The following NLRP8 variants were observed in gnomAD, a reference collection of about 807,000 sequenced individuals.
NLRP8 encodes the protein NLR family pyrin domain containing 8.
A neutral mutation model predicts 88.7 loss-of-function variants in NLRP8; 86 were observed. That is an observed-to-expected ratio of 0.97 (90% CI 0.81 to 1.16). NLRP8 has a LOEUF of 1.16. Among genes scored for constraint, NLRP8 ranks in the 50% most tolerant of loss-of-function variants. The probability of loss-of-function intolerance (pLI) is 0.00; values close to 1 mark genes in which losing one functional copy is unlikely to be tolerated. For synonymous variants in NLRP8, 504 were observed against 494.6 expected (o/e 1.02, Z -0.25); for missense variants, 1,342 against 1,286.5 (o/e 1.04, Z -0.66).
chr19:55,957,673 TTATATATATATATATATATATATATATA>T (rs10523999), intron 3 of NLRP8, among the ~76,000 whole-genome samples: 27 of 31,206 alleles, frequency 8.7e-4, no homozygotes, highest in South Asian at 1.7e-3. Flanking sequence ...AAAATAATAA[TTATATATATATATATATATATATATATA>T]TATATATATA....
intron 1 of NLRP8, among the ~76,000 whole-genome samples, chr19:55,951,483 T>C (rs13345514): frequency 0.022 from 3,284 of 152,288 alleles, 88 homozygotes; most frequent in South Asian, 0.073. Context: ...TGTGTATGTG[T>C]ATGTAGAGAT....
In NLRP8 at chr19:55,966,394, G is replaced by T. The variant is rs780725727; in HGVS notation, c.2381+14G>T. ...GCAGTGTCTCAGGTGAGATTTGAGAGGGGGGTTAGAGTGGGAACCGGGGTA... is the reference window on the plus strand; with the variant it reads ...GCAGTGTCTCAGGTGAGATTTGAGATGGGGGTTAGAGTGGGAACCGGGGTA... On this transcript the variant is annotated intron_variant, in intron 5 of 9. Coordinates refer to ENST00000291971, the MANE Select transcript of NLRP8 (RefSeq NM_176811.2). 8 of 1,611,888 alleles carry T rather than the reference G, an allele frequency of 5.0e-6. No individual in the cohort carries two copies. The East Asian group carries it at 1.1e-4, about 22-fold the overall frequency.
At chr19:55,965,434 G>A (rs1045911368) in intron 4 of NLRP8, among the ~76,000 whole-genome samples, 76 of 150,922 alleles carry the variant, frequency 5.0e-4, no homozygotes, top group Non-Finnish European at 1.0e-3. Context: ...CTGCGCAACA[G>A]AGTGAGACTC....
intron 3 of NLRP8, among the ~76,000 whole-genome samples, chr19:55,959,463 C>G (rs867695597): frequency 6.6e-6 from 1 of 152,064 alleles, no homozygotes; most frequent in African/African-American, 2.4e-5. Context: ...CCACCCGCCT[C>G]GGCCTCCCAA....
At position 55,951,611 on chromosome 19, in the gene NLRP8, G is replaced by A. The variant is rs181270798; in HGVS notation, c.368-927G>A. On this transcript the variant is annotated intron_variant, in intron 1 of 9. Transcript: ENST00000291971. ...TCAAGGGTACTGAACAAATTCATGG[G>A]TGCTCAACTCCTTCATGTAAAATGG... is the stretch of plus-strand genomic sequence containing the variant. Among the ~76,000 whole-genome samples the A allele has an allele frequency of 1.3e-3, 191 of 152,272 alleles. 1 individual carries two copies. The highest frequency in any genetic ancestry group is 4.3e-3 in the African/African-American group (180 of 41,564).
intron 1 of NLRP8, 137 bp downstream of exon 1, chr19:55,948,406 C>A: frequency 1.1e-6 from 1 of 880,952 alleles, no homozygotes; most frequent in Non-Finnish European, 1.7e-6. Context: ...GGATCTAACC[C>A]AAAGGCAAAG....
rs751907412 is a variant in NLRP8 at position 55,976,208 on chromosome 19, A to G, written c.2781A>G (p.Lys927=). Residue 927 remains lysine, a synonymous_variant, in exon 8 of 10, where the codon AAA becomes AAG. Transcript: ENST00000291971. ...CGCTCTGTAAAAATAAAACCCTGAA[A>G]AGTCTTGACCTAAGTTTTAATAGCC... The G allele has an allele frequency of 3.1e-6, 5 of 1,613,722 alleles. No individual in the cohort carries two copies.
At chr19:55,959,072 G>T (rs1979501051) in intron 3 of NLRP8, among the ~76,000 whole-genome samples, 1 of 148,970 alleles carries the variant, frequency 6.7e-6, no homozygotes, top group Non-Finnish European at 1.5e-5. Flanking sequence ...TAGAGACGGG[G>T]TTTCACTGTA....
At chr19:55,950,424 A>C (rs1177311045) in intron 1 of NLRP8, among the ~76,000 whole-genome samples, 2 of 148,998 alleles carry the variant, frequency 1.3e-5, no homozygotes, top group Non-Finnish European at 3.0e-5. Context: ...CATCTCAAGA[A>C]ACACACACAC....
intron 2 of NLRP8, among the ~76,000 whole-genome samples, chr19:55,953,724 T>C (rs1798406952): frequency 6.8e-6 from 1 of 146,982 alleles, no homozygotes; most frequent in African/African-American, 2.5e-5. Flanking sequence ...GGTCTCAAAC[T>C]CCTAACCTCG....
rs1979323582 is a variant in NLRP8, at chr19:55,955,730, T to C, written c.1672T>C (p.Phe558Leu). The change falls in exon 3 of 10, where the codon TTC becomes CTC. Residue 558 changes from phenylalanine (F) to leucine (L), a missense_variant. Physicochemically the swap from Phe to Leu is conservative, Grantham distance 22. Transcript: ENST00000291971. ...AAGCTATCTCTCTCACATGGGACTT[T>C]TCTTATTCGGTTTTCTGAACGAGGC... is the stretch of plus-strand genomic sequence containing the variant. The C allele has an allele frequency of 6.2e-7, 1 of 1,614,102 alleles. No individual in the cohort carries two copies. The highest frequency in any genetic ancestry group is 8.5e-7 in the Non-Finnish European group (1 of 1,179,946).
chr19:55,979,748 C>T lies in NLRP8; in HGVS notation c.3047+184C>T, dbSNP rs77993133. 1.6e-4 allele frequency among the ~76,000 whole-genome samples: 24 copies of T among 152,184 alleles called. No individual in the cohort carries two copies. The East Asian group carries it at 3.9e-3, about 25-fold the overall frequency. Reference sequence around the variant, plus strand: ...CCTGGGCAACATTGCAAAACCCTGTCTTCTACTAAAAAATAGAAAAATTAA... The same window carrying T: ...CCTGGGCAACATTGCAAAACCCTGTTTTCTACTAAAAAATAGAAAAATTAA... On this transcript the variant is annotated intron_variant, in intron 9 of 9. Transcript: ENST00000291971.
intron 8 of NLRP8, 37 bp from the exon 9 acceptor site, chr19:55,979,357 A>G: frequency 6.2e-7 from 1 of 1,609,708 alleles, no homozygotes; most frequent in Non-Finnish European, 8.5e-7. Context: ...AGTTGTGATG[A>G]CTTCTCTGCT....
intron 4 of NLRP8, among the ~76,000 whole-genome samples, chr19:55,963,016 A>AT (rs1349254212): frequency 2.6e-5 from 4 of 151,812 alleles, no homozygotes; most frequent in African/African-American, 7.3e-5. Context: ...ATGTACTATT[A>AT]TCCCCCCCCT....
chr19:55,969,193 G>T (rs1002344143), intron 5 of NLRP8, among the ~76,000 whole-genome samples: 10 of 152,082 alleles, frequency 6.6e-5, no homozygotes, highest in Non-Finnish European at 1.5e-4. Context: ...TAAGACTTTA[G>T]TGCACTTGTC....
chr19:55,951,952 A>G (rs977218745), intron 1 of NLRP8, among the ~76,000 whole-genome samples: 6 of 151,844 alleles, frequency 4.0e-5, no homozygotes, highest in African/African-American at 1.5e-4. Context: ...AGGTCTTGCT[A>G]TGTTGCCCAA....
rs770053117 is a variant in NLRP8, at chr19:55,962,159, A to C, written c.2135A>C (p.Asn712Thr). Residue 712 changes from asparagine to threonine, a missense_variant, in exon 4 of 10, where the codon AAC becomes ACC. Asn to Thr is a moderately conservative substitution (Grantham distance 65). Transcript: ENST00000291971. The stretch of plus-strand genomic sequence containing the variant: ...AAGCTGGAAGTCCTGACTATGACCA[A>C]CAGTGTTTTGGGGCCTCCTTTTTTG... 6.2e-7 allele frequency: 1 copy of C among 1,614,192 alleles called. No homozygotes were observed. Among genetic ancestry groups the C allele is most frequent in the Admixed American group, 1.7e-5 (1 of 60,020 alleles).
rs770121679 is a variant in NLRP8 at position 55,955,720 on chromosome 19, C to T, written c.1662C>T (p.His554=). ...GAGGAAGCAAAAGCTATCTCTCTCA[C>T]ATGGGACTTTTCTTATTCGGTTTTC... Residue 554 remains histidine, a synonymous_variant, in exon 3 of 10, where the codon CAC becomes CAT. Transcript: ENST00000291971. 3.4e-5 allele frequency: 55 copies of T among 1,614,006 alleles called. No homozygotes were observed. Among genetic ancestry groups the T allele is most frequent in the Non-Finnish European group, 4.2e-5 (50 of 1,179,952 alleles).
chr19:55,986,642 G>A (rs1033442672), intron 9 of NLRP8, among the ~76,000 whole-genome samples: 5 of 152,234 alleles, frequency 3.3e-5, no homozygotes, highest in African/African-American at 9.6e-5. Context: ...AAAAGTGCCT[G>A]TTCCCTGGGG....
Sources: gnomAD v4.1 joint callset for allele counts (sites outside exome capture counted in the v4.1 genomes callset) on GRCh38, gnomAD v4.1.1 for gene constraint, MANE v1.5 for transcripts, NCBI Gene and HGNC (gene_info 2026-07-23, HGNC 2026-07-21) for gene names.